Variants in CTNNA1 observed in about 807,000 individuals in gnomAD.
CTNNA1 encodes the protein catenin alpha-1.
A neutral mutation model predicts 98.4 loss-of-function variants in CTNNA1; 37 were observed. The observed-to-expected ratio is 0.38, with a 90% confidence interval of 0.29 to 0.49. The LOEUF (loss-of-function observed/expected upper bound fraction) is 0.49, where lower values mean the gene tolerates loss of function less well. Among genes scored for constraint, CTNNA1 ranks in the 20% least tolerant of loss-of-function variants. The pLI is 0.95. For synonymous variants in CTNNA1, 404 were observed against 413.2 expected (o/e 0.98, Z 0.27); for missense variants, 761 against 1,147.2 (o/e 0.66, Z 4.86).
intron 17 of CTNNA1, 83 bp from the exon 18 acceptor site, chr5:138,933,719 G>C: frequency 7.0e-7 from 1 of 1,420,980 alleles, no homozygotes; most frequent in Non-Finnish European, 9.6e-7. Flanking sequence ...GGAGTAGGGG[G>C]CTCCCCTTCA....
At position 138,887,555 on chromosome 5, in the gene CTNNA1, A is replaced by G. The variant is rs1483649841; in HGVS notation, c.1209A>G (p.Val403=). 3 of 1,612,144 alleles carry G rather than the reference A, an allele frequency of 1.9e-6. No individual in the cohort carries two copies. Among genetic ancestry groups the G allele is most frequent in the Admixed American group, 1.7e-5 (1 of 59,824 alleles). The change falls in exon 9 of 18, where the codon GTA becomes GTG. Residue 403 remains valine, a synonymous_variant. Transcript: ENST00000302763. ...SFLETNVPLL[V]LIEAAKNGNE... The stretch of plus-strand genomic sequence containing the variant: ...TGGAAACCAATGTTCCACTTTTGGT[A>G]TTGATTGAAGCTGCAAAGAATGGAA...
intron 1 of CTNNA1, among the ~76,000 whole-genome samples, chr5:138,780,496 A>G (rs1474363630): frequency 1.3e-5 from 2 of 151,070 alleles, no homozygotes; most frequent in Non-Finnish European, 2.9e-5. Context: ...CCTGGCCAAG[A>G]TTTTATTTTT....
intron 13 of CTNNA1, among the ~76,000 whole-genome samples, chr5:138,928,950 A>T (rs997900484): frequency 2.6e-5 from 4 of 151,846 alleles, no homozygotes; most frequent in Non-Finnish European, 5.9e-5. Context: ...GAAAAAAAAA[A>T]ACAATCATGT....
intron 7 of CTNNA1, among the ~76,000 whole-genome samples, chr5:138,830,821 G>A (rs1761205429): frequency 6.6e-6 from 1 of 152,208 alleles, no homozygotes; most frequent in African/African-American, 2.4e-5. Flanking sequence ...TTTAATGGGA[G>A]TGTCATCATA....
intron 7 of CTNNA1, among the ~76,000 whole-genome samples, chr5:138,859,529 A>G (rs1244446787): frequency 2.0e-5 from 3 of 152,212 alleles, no homozygotes; most frequent in Admixed American, 6.5e-5. Flanking sequence ...AACATGTCAT[A>G]TATTGAATCT....
At chr5:138,929,434 C>A in intron 14 of CTNNA1, 78 bp downstream of exon 14, 2 of 741,840 alleles carry the variant, frequency 2.7e-6, no homozygotes, top group South Asian at 3.1e-5. Flanking sequence ...CAGGAAAACA[C>A]CCTCAGTATT....
At chr5:138,810,968 G>A (rs1314179489) in intron 4 of CTNNA1, among the ~76,000 whole-genome samples, 36 of 150,956 alleles carry the variant, frequency 2.4e-4, no homozygotes, top group African/African-American at 8.7e-4. Context: ...CGGGCAGGGG[G>A]CTGACCCCCC....
At chr5:138,851,303 C>T (rs1016555401) in intron 7 of CTNNA1, among the ~76,000 whole-genome samples, 3 of 152,150 alleles carry the variant, frequency 2.0e-5, no homozygotes. Flanking sequence ...TTCTGGGGCC[C>T]TTGACTTCAC....
intron 1 of CTNNA1, among the ~76,000 whole-genome samples, chr5:138,763,115 A>G (rs1394408932): frequency 1.3e-5 from 2 of 150,918 alleles, no homozygotes; most frequent in East Asian, 2.0e-4. Context: ...TTTTGTCAGT[A>G]TTTGACATTC....
chr5:138,814,159 A>G (rs1333277528), intron 5 of CTNNA1, among the ~76,000 whole-genome samples: 1 of 152,122 alleles, frequency 6.6e-6, no homozygotes, highest in Non-Finnish European at 1.5e-5. Flanking sequence ...TAACTTATAT[A>G]TGAGATCCTG....
At chr5:138,844,933 T>G (rs1432256373) in intron 7 of CTNNA1, among the ~76,000 whole-genome samples, 1 of 152,188 alleles carries the variant, frequency 6.6e-6, no homozygotes, top group Non-Finnish European at 1.5e-5. Flanking sequence ...TTAATAAGCA[T>G]AACTGGCTAG....
At chr5:138,823,819 T>TAGTGGCGGGCGC (rs2149772398) in intron 5 of CTNNA1, among the ~76,000 whole-genome samples, 1 of 149,512 alleles carries the variant, frequency 6.7e-6, no homozygotes, top group African/African-American at 2.4e-5. Flanking sequence ...TAGCCGGGCG[T>TAGTGGCGGGCGC]AGTGGCGGGC....
At chr5:138,826,286 G>GA (rs1163359428) in intron 6 of CTNNA1, among the ~76,000 whole-genome samples, 2 of 152,148 alleles carry the variant, frequency 1.3e-5, no homozygotes, top group African/African-American at 2.4e-5. Context: ...GGTTTTGGTA[G>GA]AAAAAATTTG....
chr5:138,926,786 A>G (rs1764151362), intron 13 of CTNNA1, among the ~76,000 whole-genome samples: 1 of 151,404 alleles, frequency 6.6e-6, no homozygotes, highest in African/African-American at 2.4e-5. Context: ...GTTTCTCCCC[A>G]TCTCCTCAGC....
intron 11 of CTNNA1, among the ~76,000 whole-genome samples, chr5:138,920,482 TG>T (rs1762703200): frequency 1.3e-5 from 2 of 152,162 alleles, no homozygotes; most frequent in Non-Finnish European, 2.9e-5. Context: ...CATAGTGAGA[TG>T]GGCTTGTTTT....
chr5:138,882,260 A>G (rs181541600), intron 7 of CTNNA1, among the ~76,000 whole-genome samples: 298 of 152,304 alleles, frequency 2.0e-3, no homozygotes, highest in African/African-American at 6.9e-3. Flanking sequence ...TTCTCATCTG[A>G]ACGATGGGTA....
chr5:138,759,619 T>A (rs1752090374), intron 1 of CTNNA1, among the ~76,000 whole-genome samples: 1 of 152,134 alleles, frequency 6.6e-6, no homozygotes, highest in Non-Finnish European at 1.5e-5. Flanking sequence ...TATCCCTGAT[T>A]ATAAGCAGCA....
chr5:138,920,136 G>A (rs1762611645), intron 11 of CTNNA1, among the ~76,000 whole-genome samples: 1 of 151,896 alleles, frequency 6.6e-6, no homozygotes, highest in Non-Finnish European at 1.5e-5. Context: ...TTGCCACCAT[G>A]CCTGGCTAAT....
intron 7 of CTNNA1, among the ~76,000 whole-genome samples, chr5:138,836,576 A>C (rs543303304): frequency 6.6e-6 from 1 of 152,342 alleles, no homozygotes; most frequent in South Asian, 2.1e-4. Flanking sequence ...CTAATACCAG[A>C]AAGATGCATG....
Sources: allele counts gnomAD v4.1 joint callset (sites outside exome capture counted in the v4.1 genomes callset), GRCh38; gene constraint gnomAD v4.1.1; transcripts MANE v1.5; gene names NCBI Gene and HGNC (gene_info 2026-07-23, HGNC 2026-07-21).